RANBP17: variants seen among roughly 807,000 people sequenced by gnomAD.
The protein encoded by RANBP17 is RAN binding protein 17.
In RANBP17, 158 loss-of-function variants were observed where a neutral mutation model predicts 141.2. The observed-to-expected ratio is 1.12, with a 90% CI of 0.98 to 1.28. RANBP17 has a LOEUF of 1.28. Ranked by LOEUF, RANBP17 falls within the 50% of genes most tolerant of loss-of-function variation. The pLI, the probability that RANBP17 is intolerant of heterozygous loss-of-function variation, is 0.00. For missense variants in RANBP17, 1,438 were observed against 1,290.7 expected, an observed-to-expected ratio of 1.11 and a Z score of -1.75; for synonymous variants, 430 against 450.0, an observed-to-expected ratio of 0.96 and a Z score of 0.56.
At chr5:171,277,938 C>CCTTT (rs1554127986) in intron 25 of RANBP17, among the ~76,000 whole-genome samples, 147 of 72,260 alleles carry the variant, frequency 2.0e-3, no homozygotes, top group East Asian at 3.8e-3. Context: ...GGACTTCTTT[C>CCTTT]TTTTTTTTTT....
At chr5:171,222,308 T>C (rs1286021868) in intron 22 of RANBP17, among the ~76,000 whole-genome samples, 1 of 152,210 alleles carries the variant, frequency 6.6e-6, no homozygotes, top group East Asian at 1.9e-4. Flanking sequence ...ATTGTCCTAT[T>C]CAATTAAAGT....
intron 25 of RANBP17, 95 bp downstream of exon 25, chr5:171,265,942 A>G: frequency 9.9e-7 from 1 of 1,013,538 alleles, no homozygotes; most frequent in East Asian, 2.5e-5. Flanking sequence ...TCTTGCCAAG[A>G]CTTTTTATAC....
chr5:171,120,217 C>G (rs1366142654), intron 14 of RANBP17, among the ~76,000 whole-genome samples: 1 of 152,130 alleles, frequency 6.6e-6, no homozygotes, highest in Non-Finnish European at 1.5e-5. Flanking sequence ...TGTGGTGATT[C>G]AAGGCCCTCT....
At chr5:171,012,829 T>A (rs1414099938) in intron 14 of RANBP17, among the ~76,000 whole-genome samples, 1 of 152,186 alleles carries the variant, frequency 6.6e-6, no homozygotes, top group Non-Finnish European at 1.5e-5. Context: ...AAGTATACTT[T>A]TAAAAACAAA....
chr5:171,268,481 G>T (rs1251025272), intron 25 of RANBP17, among the ~76,000 whole-genome samples: 2 of 152,110 alleles, frequency 1.3e-5, no homozygotes, highest in African/African-American at 4.8e-5. Flanking sequence ...TAATATCTCA[G>T]CTTCACCTGG....
chr5:171,089,334 G>C (rs1452481520), intron 14 of RANBP17, among the ~76,000 whole-genome samples: 17 of 139,824 alleles, frequency 1.2e-4, no homozygotes, highest in Admixed American at 6.5e-4. Flanking sequence ...CTCCAGCTGC[G>C]TGCTGGGAGA....
chr5:171,103,539 C>T (rs1245501428), intron 14 of RANBP17, among the ~76,000 whole-genome samples: 2 of 152,110 alleles, frequency 1.3e-5, no homozygotes, highest in Admixed American at 6.5e-5. Flanking sequence ...TGCTAGGCTC[C>T]GTGGGGGTGA....
intron 25 of RANBP17, among the ~76,000 whole-genome samples, chr5:171,274,516 T>G (rs1198801484): frequency 6.6e-6 from 1 of 152,206 alleles, no homozygotes; most frequent in Non-Finnish European, 1.5e-5. Flanking sequence ...ACTATTTCAA[T>G]GGTAACAAAA....
intron 14 of RANBP17, among the ~76,000 whole-genome samples, chr5:171,107,033 T>TTG (rs1210684979): frequency 6.6e-6 from 1 of 151,646 alleles, no homozygotes; most frequent in Non-Finnish European, 1.5e-5. Flanking sequence ...TGTTTGTTTG[T>TTG]TGTTGTTGTT....
At chr5:171,026,789 A>G (rs1401801191) in intron 14 of RANBP17, among the ~76,000 whole-genome samples, 2 of 152,202 alleles carry the variant, frequency 1.3e-5, no homozygotes, top group Non-Finnish European at 2.9e-5. Context: ...CACAAATTTC[A>G]ATTAAATACT....
intron 14 of RANBP17, among the ~76,000 whole-genome samples, chr5:171,066,497 A>C (rs1405501015): frequency 6.6e-6 from 1 of 152,246 alleles, no homozygotes; most frequent in Admixed American, 6.5e-5. Context: ...AAATGACGGG[A>C]TATCCTTCTT....
chr5:171,240,381 A>G (rs1764789604), intron 22 of RANBP17, among the ~76,000 whole-genome samples: 2 of 152,204 alleles, frequency 1.3e-5, no homozygotes, highest in Non-Finnish European at 2.9e-5. Context: ...AAAAGGAAGT[A>G]ATATTTACTG....
chr5:170,881,404 T>C (rs1581040560), intron 2 of RANBP17, among the ~76,000 whole-genome samples: 1 of 151,956 alleles, frequency 6.6e-6, no homozygotes, highest in East Asian at 1.9e-4. Flanking sequence ...GTGGGGAAGA[T>C]TTGGAAAGGA....
intron 14 of RANBP17, among the ~76,000 whole-genome samples, chr5:171,022,382 C>G (rs948718485): frequency 6.6e-6 from 1 of 152,198 alleles, no homozygotes; most frequent in Non-Finnish European, 1.5e-5. Context: ...TTCCTCAGAA[C>G]TACGAGGAGG....
intron 12 of RANBP17, among the ~76,000 whole-genome samples, chr5:170,933,607 T>C (rs1316526066): frequency 6.6e-6 from 1 of 152,228 alleles, no homozygotes; most frequent in Non-Finnish European, 1.5e-5. Context: ...GATTCTGATA[T>C]GTTGTGTCTT....
At chr5:171,229,230 C>T (rs890501390) in intron 22 of RANBP17, among the ~76,000 whole-genome samples, 1 of 152,144 alleles carries the variant, frequency 6.6e-6, no homozygotes, top group African/African-American at 2.4e-5. Flanking sequence ...GTAAGGTTCA[C>T]AGAAGTCTTG....
chr5:171,252,350 T>C, intron 24 of RANBP17: 1 of 1,538,490 alleles, frequency 6.5e-7, no homozygotes, highest in Admixed American at 1.7e-5. Flanking sequence ...CAGGGAACAT[T>C]AACTAATGAA....
intron 12 of RANBP17, among the ~76,000 whole-genome samples, chr5:170,933,172 C>G (rs1263950385): frequency 2.0e-5 from 3 of 152,118 alleles, no homozygotes; most frequent in Admixed American, 2.0e-4. Context: ...TTATCCATTT[C>G]TTCTAGATTT....
intron 22 of RANBP17, among the ~76,000 whole-genome samples, chr5:171,237,829 G>A (rs1764633724): frequency 6.6e-6 from 1 of 152,160 alleles, no homozygotes; most frequent in South Asian, 2.1e-4. Flanking sequence ...GTGGAGTGGA[G>A]CAGGGAGGAC....
Sources: allele counts gnomAD v4.1 joint callset (sites outside exome capture counted in the v4.1 genomes callset), GRCh38; gene constraint gnomAD v4.1.1; transcripts MANE v1.5; gene names NCBI Gene and HGNC (gene_info 2026-07-23, HGNC 2026-07-21).